Variants in SEL1L3 observed in about 807,000 individuals in gnomAD.
SEL1L3 encodes the protein protein sel-1 homolog 3.
In SEL1L3, 76 loss-of-function variants were observed where a neutral mutation model predicts 142.8. The observed-to-expected ratio is 0.53, with a 90% confidence interval of 0.44 to 0.64. The LOEUF (loss-of-function observed/expected upper bound fraction) is 0.64. Among genes scored for constraint, SEL1L3 ranks in the 30% least tolerant of loss-of-function variants. SEL1L3 has a pLI of 0.00. For synonymous variants in SEL1L3, 504 were observed against 519.6 expected, an observed-to-expected ratio of 0.97 and a Z score of 0.41; for missense variants, 1,262 against 1,381.7, an observed-to-expected ratio of 0.91 and a Z score of 1.37.
intron 2 of SEL1L3, among the ~76,000 whole-genome samples, chr4:25,840,783 C>A (rs1716116463): frequency 6.6e-6 from 1 of 152,220 alleles, no homozygotes; most frequent in Admixed American, 6.5e-5. Flanking sequence ...AACTGATGGA[C>A]ATGGCACTCT....
chr4:25,796,449 A>ATGTG (rs557220190), intron 11 of SEL1L3, among the ~76,000 whole-genome samples: 2 of 151,710 alleles, frequency 1.3e-5, no homozygotes, highest in East Asian at 1.9e-4. Context: ...AAAAAAAAAT[A>ATGTG]TGTGTGTGTG....
chr4:25,828,205 T>A (rs994909369), intron 6 of SEL1L3, among the ~76,000 whole-genome samples: 1 of 152,274 alleles, frequency 6.6e-6, no homozygotes, highest in South Asian at 2.1e-4. Flanking sequence ...TCTATAAAAC[T>A]CTAATCCTTT....
chr4:25,819,932 A>G lies in SEL1L3; in HGVS notation c.1299T>C (p.Asn433=). 1 of 1,610,690 alleles carries G rather than the reference A, an allele frequency of 6.2e-7. No homozygotes were observed. The highest frequency in any genetic ancestry group is 1.3e-5 in the African/African-American group (1 of 74,988). The change falls in exon 8 of 24, where the codon AAT becomes AAC. Residue 433 remains asparagine, a synonymous_variant. Coordinates refer to ENST00000399878, the MANE Select transcript of SEL1L3 (RefSeq NM_015187.5). ...LRSLHPAQIF[N]PLLEKQLAEQ... Reference sequence around the variant, plus strand: ...CAGCAAGTTGCTTCTCAAGGAGGGGATTAAAAATCTACAAGAAGGCAAGAA... The same window carrying G: ...CAGCAAGTTGCTTCTCAAGGAGGGGGTTAAAAATCTACAAGAAGGCAAGAA...
chr4:25,791,011 T>C (rs1712296920), intron 11 of SEL1L3, among the ~76,000 whole-genome samples: 1 of 152,274 alleles, frequency 6.6e-6, no homozygotes, highest in South Asian at 2.1e-4. Context: ...TGTTTGTTCC[T>C]ATCAAAGTAT....
At chr4:25,862,334 C>T (rs1717773732) in intron 1 of SEL1L3, among the ~76,000 whole-genome samples, 1 of 144,612 alleles carries the variant, frequency 6.9e-6, no homozygotes, top group Non-Finnish European at 1.5e-5. Context: ...GGAGACTGCG[C>T]GCGGCGGGGC....
chr4:25,761,983 T>C (rs1718406769), intron 20 of SEL1L3, among the ~76,000 whole-genome samples: 1 of 152,222 alleles, frequency 6.6e-6, no homozygotes, highest in Non-Finnish European at 1.5e-5. Flanking sequence ...AGATGGAATC[T>C]CACTCTGTTG....
intron 3 of SEL1L3, 38 bp from the exon 4 acceptor site, chr4:25,833,607 TATC>T (rs2109285228): frequency 1.3e-6 from 2 of 1,568,344 alleles, no homozygotes; most frequent in Non-Finnish European, 1.7e-6. Context: ...TGCAGATTGA[TATC>T]ATCCAAGAAC....
At chr4:25,809,060 G>C (rs1266553225) in intron 9 of SEL1L3, among the ~76,000 whole-genome samples, 1 of 139,552 alleles carries the variant, frequency 7.2e-6, no homozygotes, top group Admixed American at 7.3e-5. Context: ...GCGACAGAGT[G>C]AGACTCTGTC....
At chr4:25,734,983 ATTTTTTTTC>A in the SEL1L3 span, among the ~76,000 whole-genome samples, 1 of 151,126 alleles carries the variant, frequency 6.6e-6, no homozygotes. Flanking sequence ...GTTCAGAAGT[ATTTTTTTTC>A]TTTTTTTTCT....
chr4:25,815,198 G>T (rs12510355), intron 9 of SEL1L3, among the ~76,000 whole-genome samples: 38,603 of 152,024 alleles, frequency 0.25, 6,056 homozygotes, highest in Admixed American at 0.34. Context: ...TTCTAATTTG[G>T]CACCAGAAGA....
intron 8 of SEL1L3, among the ~76,000 whole-genome samples, chr4:25,818,668 G>C (rs889155762): frequency 6.6e-6 from 1 of 152,166 alleles, no homozygotes; most frequent in Non-Finnish European, 1.5e-5. Context: ...AGATGGGTGT[G>C]CATGCCTGGC....
intron 2 of SEL1L3, among the ~76,000 whole-genome samples, chr4:25,846,062 G>A (rs1716484132): frequency 6.6e-6 from 1 of 152,222 alleles, no homozygotes; most frequent in Non-Finnish European, 1.5e-5. Context: ...TGTCACAGGT[G>A]GTCCTAGGGC....
At chr4:25,809,935 G>C (rs1713904168) in intron 9 of SEL1L3, among the ~76,000 whole-genome samples, 1 of 152,168 alleles carries the variant, frequency 6.6e-6, no homozygotes, top group Non-Finnish European at 1.5e-5. Flanking sequence ...CAAAAATAAA[G>C]TCAAAAGCAA....
chr4:25,727,747 C>T, the SEL1L3 span, among the ~76,000 whole-genome samples: 1 of 152,186 alleles, frequency 6.6e-6, no homozygotes, highest in Non-Finnish European at 1.5e-5. Flanking sequence ...TTCCCTGAGA[C>T]ACGCTGGCAC....
Position 25,788,082 on chromosome 4 carries a change from C to T in SEL1L3, c.2217+142G>A. ...CTTCTGACTCTGCCTTTTTAGCCAA[C>T]ATTCTTTTCCATCAAGAGTGACAGA... is the stretch of plus-strand genomic sequence containing the variant. On this transcript the variant is annotated intron_variant, in intron 13 of 23. Coordinates refer to ENST00000399878, the MANE Select transcript of SEL1L3 (RefSeq NM_015187.5). This position sits in a 1 kb window ranked among gnomAD's most constrained non-coding sequence, Gnocchi z 5.3. 1.0e-5 allele frequency: 8 copies of T among 799,778 alleles called. No individual in the cohort carries two copies. The South Asian group carries it at 1.3e-4, about 13-fold the overall frequency. The allele number at this position is 799,778 out of a possible 1,614,324, so 49.5% of individuals were successfully genotyped here.
At chr4:25,726,228 T>TA in the SEL1L3 span, among the ~76,000 whole-genome samples, 20,589 of 146,240 alleles carry the variant, frequency 0.14, 1,531 homozygotes, top group African/African-American at 0.2. Flanking sequence ...CATCTTGGGT[T>TA]AAAAAAAAAA....
chr4:25,765,739 A>G (rs1212887365), intron 19 of SEL1L3, among the ~76,000 whole-genome samples: 1 of 152,080 alleles, frequency 6.6e-6, no homozygotes, highest in Admixed American at 6.5e-5. Context: ...CCTGGGCTCA[A>G]GTGATCCTTC....
chr4:25,764,844 G>A (rs1192393309), intron 20 of SEL1L3, among the ~76,000 whole-genome samples: 1 of 152,154 alleles, frequency 6.6e-6, no homozygotes, highest in Non-Finnish European at 1.5e-5. Flanking sequence ...TTTAATAAAG[G>A]CTCACCCTTA....
chr4:25,806,199 C>T (rs1437024883), intron 9 of SEL1L3, among the ~76,000 whole-genome samples: 3 of 151,716 alleles, frequency 2.0e-5, no homozygotes, highest in Admixed American at 1.3e-4. Flanking sequence ...CCAGCACGCC[C>T]GGCTAATTTT....
Sources: allele counts gnomAD v4.1 joint callset (sites outside exome capture counted in the v4.1 genomes callset), GRCh38; gene constraint gnomAD v4.1.1; non-coding constraint Gnocchi (gnomAD v3.1); transcripts MANE v1.5; gene names NCBI Gene and HGNC (gene_info 2026-07-23, HGNC 2026-07-21).